Variants in KRIT1 observed in about 807,000 individuals in gnomAD.
The protein encoded by KRIT1 is KRIT1 ankyrin repeat containing.
A neutral mutation model predicts 95.8 loss-of-function variants in KRIT1; 45 were observed. That is an observed-to-expected ratio of 0.47 (90% CI 0.37 to 0.60). The LOEUF (loss-of-function observed/expected upper bound fraction) is 0.60. KRIT1 is among the 20% of genes least tolerant of loss of function. KRIT1 has a pLI of 0.00. For synonymous variants in KRIT1, 282 were observed against 278.8 expected (o/e 1.01, Z -0.11); for missense variants, 788 against 877.5 (o/e 0.90, Z 1.29).
chr7:92,240,013 A>G (rs769364123), intron 5 of KRIT1, among the ~76,000 whole-genome samples: 4 of 152,096 alleles, frequency 2.6e-5, no homozygotes, highest in Admixed American at 6.5e-5. Context: ...CTCACGTCTT[A>G]TAAGTAGGAA....
At chr7:92,211,365 C>T (rs184645295) in intron 17 of KRIT1, among the ~76,000 whole-genome samples, 3 of 152,264 alleles carry the variant, frequency 2.0e-5, no homozygotes, top group Non-Finnish European at 2.9e-5. Context: ...ATCTTGCATT[C>T]GCAACAACAT....
intron 14 of KRIT1, among the ~76,000 whole-genome samples, chr7:92,219,332 G>C (rs1794657912): frequency 6.6e-6 from 1 of 152,078 alleles, no homozygotes; most frequent in Non-Finnish European, 1.5e-5. Flanking sequence ...ATGAGGTTGG[G>C]GTCCAATTTC....
chr7:92,219,132 C>T (rs1584848961), intron 14 of KRIT1, among the ~76,000 whole-genome samples: 1 of 152,258 alleles, frequency 6.6e-6, no homozygotes, highest in East Asian at 1.9e-4. Context: ...TTCTAAGTAG[C>T]TGGGACTACA....
At chr7:92,236,835 CT>C (rs1418142582) in intron 6 of KRIT1, among the ~76,000 whole-genome samples, 1 of 152,112 alleles carries the variant, frequency 6.6e-6, no homozygotes. Context: ...AGATACTGAA[CT>C]TTTTAACCTA....
At chr7:92,217,799 A>G (rs958121635) in intron 14 of KRIT1, among the ~76,000 whole-genome samples, 8 of 152,222 alleles carry the variant, frequency 5.3e-5, no homozygotes, top group Non-Finnish European at 1.5e-5. Context: ...GCTGGATCAT[A>G]CAGTAATTCT....
intron 10 of KRIT1, among the ~76,000 whole-genome samples, chr7:92,227,902 C>G (rs1796515234): frequency 1.3e-5 from 2 of 152,036 alleles, no homozygotes. Flanking sequence ...ATCCCAGCTA[C>G]TATGGAGGCT....
intron 17 of KRIT1, among the ~76,000 whole-genome samples, chr7:92,205,112 C>T (rs1791139011): frequency 6.6e-6 from 1 of 152,092 alleles, no homozygotes; most frequent in African/African-American, 2.4e-5. Flanking sequence ...TTTGGGAGGG[C>T]GAGGCAGTCG....
At chr7:92,205,470 G>C (rs1791257520) in intron 17 of KRIT1, among the ~76,000 whole-genome samples, 1 of 152,130 alleles carries the variant, frequency 6.6e-6, no homozygotes, top group Non-Finnish European at 1.5e-5. Flanking sequence ...TAACTGATTT[G>C]GTCTATTCTT....
At chr7:92,243,064 C>A (rs922450556) in intron 3 of KRIT1, among the ~76,000 whole-genome samples, 5 of 152,198 alleles carry the variant, frequency 3.3e-5, no homozygotes, top group Non-Finnish European at 5.9e-5. Context: ...AAGTGATCCA[C>A]CTGCCTCGGC....
At position 92,237,800 on chromosome 7, in the gene KRIT1, C is replaced by T. The variant is rs774002727; in HGVS notation, c.263-41G>A. 4.1e-6 allele frequency: 4 copies of T among 980,832 alleles called. No individual in the cohort carries two copies. In the East Asian group the frequency reaches 9.7e-5, roughly 24 times the overall value. The allele number at this position is 980,832 out of a possible 1,614,324, so 60.8% of individuals were successfully genotyped here. A position where few individuals can be genotyped will look rare whatever the true frequency, so the allele number is the denominator to read the frequency against. ...AAGTTAGCAAAACAAAAATAATACA[C>T]TTTTAAATCTTATAAATTACCTTGA... On this transcript the variant is annotated intron_variant, in intron 5 of 18. Coordinates refer to ENST00000394505, the MANE Select transcript of KRIT1 (RefSeq NM_194454.3).
intron 17 of KRIT1, among the ~76,000 whole-genome samples, chr7:92,208,541 C>A (rs1179408424): frequency 6.6e-6 from 1 of 151,954 alleles, no homozygotes. Flanking sequence ...ATAACTGAGA[C>A]CACAGAAATA....
At chr7:92,232,194 C>T (rs992800080) in intron 10 of KRIT1, among the ~76,000 whole-genome samples, 8 of 152,154 alleles carry the variant, frequency 5.3e-5, no homozygotes, top group African/African-American at 1.9e-4. Flanking sequence ...TTCCAAAGTG[C>T]TGGGATTACA....
chr7:92,237,805 A>C, intron 5 of KRIT1, 46 bp from the exon 6 acceptor site: 1 of 932,244 alleles, frequency 1.1e-6, no homozygotes, highest in Admixed American at 1.8e-5. Flanking sequence ...ATACACTTTT[A>C]AATCTTATAA....
At chr7:92,228,523 T>A (rs1796655582) in intron 10 of KRIT1, among the ~76,000 whole-genome samples, 1 of 152,218 alleles carries the variant, frequency 6.6e-6, no homozygotes, top group African/African-American at 2.4e-5. Context: ...GACACTTTCA[T>A]CCTACACCTT....
At chr7:92,222,090 A>G in intron 13 of KRIT1, 37 bp from the exon 14 acceptor site, 1 of 1,539,834 alleles carries the variant, frequency 6.5e-7, no homozygotes, top group Non-Finnish European at 9.0e-7. Flanking sequence ...TGATAATGTA[A>G]AAAGTCAATT....
chr7:92,242,195 G>C, intron 3 of KRIT1, 58 bp from the exon 4 acceptor site: 1 of 975,436 alleles, frequency 1.0e-6, no homozygotes, highest in South Asian at 1.3e-5. Flanking sequence ...TTGATGGCAA[G>C]ATAAAAAAAA....
Position 92,235,512 on chromosome 7 carries a change from T to A in KRIT1, c.620A>T (p.His207Leu). 1 of 1,613,946 alleles carries A rather than the reference T, an allele frequency of 6.2e-7. No homozygotes were observed. The change falls in exon 8 of 19, where the codon CAT (histidine) becomes CTT (leucine). Residue 207 changes from histidine (H) to leucine (L), a missense_variant. Physicochemically the swap from His to Leu is moderately conservative, Grantham distance 99. This residue lies in a region of KRIT1 where 289 missense variants were observed against 277.5 expected (regional missense o/e 1.04). Transcript: ENST00000394505. ...TESGQTENSL[H>L]MGYSALEIKS... The stretch of plus-strand genomic sequence containing the variant: ...TATTTCTAGTGCACTATAGCCCATA[T>A]GTAGTGAGTTTTCTGTCTGACCTGA...
At chr7:92,218,208 C>T (rs1023665387) in intron 14 of KRIT1, among the ~76,000 whole-genome samples, 6 of 151,744 alleles carry the variant, frequency 4.0e-5, no homozygotes, top group East Asian at 1.9e-4. Context: ...TGTGCCACCA[C>T]GCCAGGCTAT....
At chr7:92,209,610 A>C (rs1563231032) in intron 17 of KRIT1, among the ~76,000 whole-genome samples, 1 of 152,202 alleles carries the variant, frequency 6.6e-6, no homozygotes, top group African/African-American at 2.4e-5. Context: ...CATTTACTAT[A>C]GCTAGTAAAA....
Sources: allele counts gnomAD v4.1 joint callset (sites outside exome capture counted in the v4.1 genomes callset), GRCh38; gene constraint gnomAD v4.1.1; regional missense constraint gnomAD v4.1.1; transcripts MANE v1.5; gene names NCBI Gene and HGNC (gene_info 2026-07-23, HGNC 2026-07-21).